TTC34: variants seen among roughly 807,000 people sequenced by gnomAD.
TTC34 encodes the protein tetratricopeptide repeat domain 34.
A neutral mutation model predicts 40.7 loss-of-function variants in TTC34; 44 were observed. The observed-to-expected ratio is 1.08, with a 90% CI of 0.85 to 1.39. The LOEUF (loss-of-function observed/expected upper bound fraction) is 1.39. Among genes scored for constraint, TTC34 ranks in the 40% most tolerant of loss-of-function variants. The pLI, the probability that TTC34 is intolerant of heterozygous loss-of-function variation, is 0.00. For synonymous variants in TTC34, 422 were observed against 398.6 expected (o/e 1.06, Z -0.70); for missense variants, 884 against 838.0 (o/e 1.05, Z -0.68).
chr1:2,773,180 C>G (rs1423409193), intron 6 of TTC34, among the ~76,000 whole-genome samples: 1 of 142,910 alleles, frequency 7.0e-6, no homozygotes. Context: ...GCCCACACCC[C>G]CAGGTGAGCA....
intron 6 of TTC34, among the ~76,000 whole-genome samples, chr1:2,750,455 GTATCTGACGGCCTGGAA>G (rs1641279174): frequency 1.4e-5 from 1 of 69,126 alleles, no homozygotes; most frequent in Admixed American, 1.6e-4. Flanking sequence ...ACCCAGGCGA[GTATCTGACGGCCTGGAA>G]CAGCACCCAC....
At chr1:2,775,841 A>G (rs1258660906) in intron 6 of TTC34, among the ~76,000 whole-genome samples, 3 of 144,664 alleles carry the variant, frequency 2.1e-5, no homozygotes, top group Non-Finnish European at 4.4e-5. Flanking sequence ...CCCCTGGGTG[A>G]GGATGCTCAC....
At chr1:2,773,130 A>ACC (rs1642560075) in intron 6 of TTC34, among the ~76,000 whole-genome samples, 2 of 118,522 alleles carry the variant, frequency 1.7e-5, no homozygotes, top group African/African-American at 3.2e-5. Context: ...CTGGAGCAGC[A>ACC]CACACAACCC....
chr1:2,765,710 G>C (rs1333930122), intron 6 of TTC34, among the ~76,000 whole-genome samples: 118 of 10,514 alleles, frequency 0.011, no homozygotes, highest in South Asian at 0.038. Context: ...GGAGCAGCAT[G>C]CACACCCCCA....
chr1:2,691,714 G>A (rs1569592245), intron 6 of TTC34, among the ~76,000 whole-genome samples: 2 of 96,410 alleles, frequency 2.1e-5, no homozygotes, highest in East Asian at 5.5e-4. Flanking sequence ...CCCCAGGTGA[G>A]CATTGGACAG....
chr1:2,657,426 G>T (rs573857970), intron 6 of TTC34, among the ~76,000 whole-genome samples: 47 of 88,306 alleles, frequency 5.3e-4, no homozygotes, highest in African/African-American at 1.6e-3. Context: ...AGTACCCCCA[G>T]GCGAGCATCT....
intron 6 of TTC34, among the ~76,000 whole-genome samples, chr1:2,694,139 G>T (rs1236955987): frequency 6.8e-6 from 1 of 147,422 alleles, no homozygotes; most frequent in African/African-American, 2.5e-5. Context: ...GCCTGGAACA[G>T]CACACACACC....
chr1:2,782,552 T>C (rs1569952233), intron 6 of TTC34, among the ~76,000 whole-genome samples: 1 of 152,204 alleles, frequency 6.6e-6, no homozygotes, highest in East Asian at 1.9e-4. Context: ...GTTCTTTTTC[T>C]AGTTTCTTAA....
chr1:2,789,277 C>G (rs1474917987), intron 3 of TTC34, among the ~76,000 whole-genome samples: 1 of 152,198 alleles, frequency 6.6e-6, no homozygotes, highest in East Asian at 1.9e-4. Flanking sequence ...ATTTTACATG[C>G]ACCAAACGAA....
At chr1:2,653,142 T>C (rs1304186555) in intron 6 of TTC34, among the ~76,000 whole-genome samples, 1 of 152,158 alleles carries the variant, frequency 6.6e-6, no homozygotes, top group Non-Finnish European at 1.5e-5. Context: ...GGTGCGCATC[T>C]GATGGTCTGG....
intron 6 of TTC34, among the ~76,000 whole-genome samples, chr1:2,650,941 C>A (rs1404171818): frequency 6.6e-6 from 1 of 151,300 alleles, no homozygotes; most frequent in African/African-American, 2.4e-5. Context: ...TAAATGACAC[C>A]CCAACCCCCC....
intron 6 of TTC34, among the ~76,000 whole-genome samples, chr1:2,777,477 T>G (rs1643272985): frequency 6.6e-6 from 1 of 151,654 alleles, no homozygotes; most frequent in Non-Finnish European, 1.5e-5. Context: ...TCTGAATTCC[T>G]GGAATATGTG....
intron 6 of TTC34, among the ~76,000 whole-genome samples, chr1:2,782,811 C>T (rs749447988): frequency 2.6e-5 from 4 of 152,168 alleles, no homozygotes; most frequent in Admixed American, 6.6e-5. Context: ...TGAAGTGATT[C>T]GGCTGCGGTT....
intron 2 of TTC34, among the ~76,000 whole-genome samples, chr1:2,798,905 CT>C (rs1643742053): frequency 3.5e-5 from 4 of 113,056 alleles, no homozygotes; most frequent in South Asian, 3.0e-4. Flanking sequence ...CTCCCAGCCT[CT>C]CAGCCTCCAA....
intron 6 of TTC34, among the ~76,000 whole-genome samples, chr1:2,649,732 G>T (rs1240743988): frequency 6.6e-6 from 1 of 152,174 alleles, no homozygotes; most frequent in Non-Finnish European, 1.5e-5. Flanking sequence ...TGTTGACCAG[G>T]CTGGTCTTGA....
chr1:2,759,685 GCTT>G (rs1641628977), intron 6 of TTC34, among the ~76,000 whole-genome samples: 4 of 142,894 alleles, frequency 2.8e-5, no homozygotes, highest in Non-Finnish European at 3.1e-5. Context: ...ACAACCCCAG[GCTT>G]GCATCCGACA....
At chr1:2,752,743 A>G (rs1474050771) in intron 6 of TTC34, among the ~76,000 whole-genome samples, 7 of 115,692 alleles carry the variant, frequency 6.1e-5, no homozygotes, top group Admixed American at 6.0e-4. Flanking sequence ...CCCCCAGGAC[A>G]GCATCTGACA....
rs1197930823 is a variant in TTC34, at chr1:2,686,371, G to A, written c.2227-40808C>T. Among the ~76,000 whole-genome samples the A allele has an allele frequency of 9.3e-3, 1,127 of 121,326 alleles. 9 individuals are homozygous for A. The highest frequency in any genetic ancestry group is 0.032 in the African/African-American group (881 of 27,228). The allele number at this position is 121,326 out of a possible 152,430, so 79.6% of individuals were successfully genotyped here. On this transcript the variant is annotated intron_variant, in intron 6 of 8. Coordinates refer to ENST00000401095, the Ensembl canonical transcript of TTC34. Reference sequence around the variant, plus strand: ...GAGCAGCACCCACACCCCCAGGTGCGCATGTGATGGTCTGGAGCAGCACCC... The same window carrying A: ...GAGCAGCACCCACACCCCCAGGTGCACATGTGATGGTCTGGAGCAGCACCC...
At chr1:2,642,505 C>G (rs1638927852) in intron 8 of TTC34, among the ~76,000 whole-genome samples, 1 of 149,922 alleles carries the variant, frequency 6.7e-6, no homozygotes, top group Admixed American at 6.6e-5. Flanking sequence ...GGCCTGCCTG[C>G]CCCCCCCACT....
Sources: gnomAD v4.1 joint callset for allele counts (sites outside exome capture counted in the v4.1 genomes callset) on GRCh38, gnomAD v4.1.1 for gene constraint, MANE v1.5 for transcripts, NCBI Gene and HGNC (gene_info 2026-07-23, HGNC 2026-07-21) for gene names.